The following DPYSL3 variants were observed in gnomAD, a reference collection of about 807,000 sequenced individuals.
The protein encoded by DPYSL3 is dihydropyrimidinase like 3.
A neutral mutation model predicts 66.1 loss-of-function variants in DPYSL3; 16 were observed. The ratio of observed to expected loss-of-function variants is 0.24; its 90% CI spans 0.16 to 0.37. The LOEUF is 0.37. Ranked by LOEUF, DPYSL3 falls within the 10% of genes least tolerant of loss-of-function variation. The probability of loss-of-function intolerance (pLI) is 1.00; values close to 1 mark genes in which losing one functional copy is unlikely to be tolerated. For missense variants in DPYSL3, 738 were observed against 916.2 expected (o/e 0.81, Z 2.51); for synonymous variants, 338 against 345.1 (o/e 0.98, Z 0.23).
intron 4 of DPYSL3, among the ~76,000 whole-genome samples, chr5:147,414,221 T>C (rs1458263327): frequency 6.6e-5 from 10 of 152,340 alleles, no homozygotes; most frequent in Non-Finnish European, 2.9e-5. Flanking sequence ...ATGGATCTCC[T>C]GGGATCAGTT....
At chr5:147,448,449 A>G (rs561946533) in intron 1 of DPYSL3, among the ~76,000 whole-genome samples, 4 of 152,242 alleles carry the variant, frequency 2.6e-5, no homozygotes, top group Non-Finnish European at 5.9e-5. Context: ...TTGTTTTGGA[A>G]AACTCTTATT....
chr5:147,407,524 G>A (rs1384733506), intron 7 of DPYSL3, among the ~76,000 whole-genome samples: 1 of 152,152 alleles, frequency 6.6e-6, no homozygotes, highest in African/African-American at 2.4e-5. Context: ...TGATTACCCT[G>A]GTCTCTTCAC....
intron 13 of DPYSL3, among the ~76,000 whole-genome samples, 185 bp downstream of exon 13, chr5:147,395,374 A>C (rs1757937539): frequency 6.6e-6 from 1 of 152,132 alleles, no homozygotes. Flanking sequence ...TTACTTTCTT[A>C]CCAGGACCCC....
At chr5:147,438,062 A>G (rs1237489326) in intron 1 of DPYSL3, among the ~76,000 whole-genome samples, 1 of 152,128 alleles carries the variant, frequency 6.6e-6, no homozygotes, top group Non-Finnish European at 1.5e-5. Context: ...CCTTCTATAA[A>G]AGAATATGGG....
intron 1 of DPYSL3, among the ~76,000 whole-genome samples, chr5:147,470,737 A>G (rs1019731626): frequency 2.0e-5 from 3 of 152,132 alleles, no homozygotes; most frequent in African/African-American, 7.2e-5. Flanking sequence ...TACCTCAAGC[A>G]CTTGCCCAAA....
intron 1 of DPYSL3, among the ~76,000 whole-genome samples, chr5:147,437,658 T>C (rs1752438000): frequency 6.6e-6 from 1 of 152,198 alleles, no homozygotes; most frequent in African/African-American, 2.4e-5. Context: ...TTGCTCTGCC[T>C]TGTAGTCCAG....
chr5:147,426,615 T>A (rs1752203108), intron 1 of DPYSL3, among the ~76,000 whole-genome samples: 1 of 152,138 alleles, frequency 6.6e-6, no homozygotes, highest in South Asian at 2.1e-4. Flanking sequence ...CCAACCATGG[T>A]CATCATTCCC....
chr5:147,394,152 A>T (rs182013586), intron 13 of DPYSL3, 29 bp from the exon 14 acceptor site: 1 of 1,474,262 alleles, frequency 6.8e-7, no homozygotes, highest in East Asian at 2.4e-5. Context: ...TCCCAGGGGG[A>T]AAAAAAAAAC....
chr5:147,493,818 C>T (rs1753456306), intron 1 of DPYSL3, among the ~76,000 whole-genome samples: 2 of 152,174 alleles, frequency 1.3e-5, no homozygotes, highest in African/African-American at 4.8e-5. Flanking sequence ...ATCATGCAAG[C>T]TGCTCTTGGA....
intron 1 of DPYSL3, among the ~76,000 whole-genome samples, chr5:147,444,177 T>A (rs932472463): frequency 2.0e-5 from 3 of 152,116 alleles, no homozygotes; most frequent in African/African-American, 7.2e-5. Context: ...ACCGTGGGGT[T>A]AAGAATGGGG....
chr5:147,423,859 T>G (rs1427401057), intron 2 of DPYSL3, among the ~76,000 whole-genome samples: 1 of 152,162 alleles, frequency 6.6e-6, no homozygotes, highest in Non-Finnish European at 1.5e-5. Context: ...TAGCTGGGAC[T>G]GCAGGCATAC....
chr5:147,503,802 G>C (rs980811846), intron 1 of DPYSL3, among the ~76,000 whole-genome samples: 1 of 152,192 alleles, frequency 6.6e-6, no homozygotes, highest in African/African-American at 2.4e-5. Context: ...ATAGCTCAAA[G>C]GGAAGGGAGG....
chr5:147,413,678 G>A (rs1751900934), intron 4 of DPYSL3, 21 bp from the exon 5 acceptor site: 1 of 1,592,858 alleles, frequency 6.3e-7, no homozygotes, highest in Non-Finnish European at 8.6e-7. Context: ...GGGACAGGAG[G>A]AAAAACAAGA....
rs374840571 is a variant in DPYSL3, at chr5:147,395,544, G to A, written c.1966+15C>T. On this transcript the variant is annotated intron_variant, in intron 13 of 13. Transcript: ENST00000343218. ...TCCCCCTTCTCTTATCTTTTGATGA[G>A]CCTGTCCCACTCACCTGACAGGCTA... The A allele has an allele frequency of 3.7e-6, 6 of 1,603,086 alleles. No homozygotes were observed. In the African/African-American group the frequency reaches 8.0e-5, roughly 21 times the overall value.
At chr5:147,450,720 A>C (rs1752712264) in intron 1 of DPYSL3, among the ~76,000 whole-genome samples, 1 of 152,180 alleles carries the variant, frequency 6.6e-6, no homozygotes, top group African/African-American at 2.4e-5. Flanking sequence ...AAAACAAAAC[A>C]AAAACAACCA....
At chr5:147,414,081 C>T (rs1261571638) in intron 4 of DPYSL3, among the ~76,000 whole-genome samples, 1 of 152,206 alleles carries the variant, frequency 6.6e-6, no homozygotes, top group African/African-American at 2.4e-5. Flanking sequence ...CCTCTCCAGA[C>T]CTCGGTTTCC....
intron 1 of DPYSL3, among the ~76,000 whole-genome samples, chr5:147,463,752 G>A (rs547083862): frequency 3.3e-5 from 5 of 152,196 alleles, no homozygotes; most frequent in South Asian, 2.1e-4. Flanking sequence ...TCAAATGTCC[G>A]TCATGCCAGC....
chr5:147,437,801 C>A (rs1752440679), intron 1 of DPYSL3, among the ~76,000 whole-genome samples: 1 of 152,158 alleles, frequency 6.6e-6, no homozygotes, highest in Non-Finnish European at 1.5e-5. Context: ...CTTTGGAGTC[C>A]TGACTGTAAA....
At chr5:147,483,220 A>G (rs1753274756) in intron 1 of DPYSL3, among the ~76,000 whole-genome samples, 1 of 152,238 alleles carries the variant, frequency 6.6e-6, no homozygotes, top group Non-Finnish European at 1.5e-5. Flanking sequence ...TAACAGATCC[A>G]TGTCTCACCC....
Sources: gnomAD v4.1 joint callset for allele counts (sites outside exome capture counted in the v4.1 genomes callset) on GRCh38, gnomAD v4.1.1 for gene constraint, MANE v1.5 for transcripts, NCBI Gene and HGNC (gene_info 2026-07-23, HGNC 2026-07-21) for gene names.